The following PDE1C variants were observed in gnomAD, a reference collection of about 807,000 sequenced individuals.
PDE1C encodes the protein dual specificity calcium/calmodulin-dependent 3',5'-cyclic nucleotide phosphodiesterase 1C.
In PDE1C, 62 loss-of-function variants were observed where a neutral mutation model predicts 93.1. The ratio of observed to expected loss-of-function variants is 0.67; its 90% CI spans 0.54 to 0.82. PDE1C has a LOEUF of 0.82. PDE1C is among the 40% of genes least tolerant of loss of function. The pLI is 0.00. For missense variants in PDE1C, 742 were observed against 884.6 expected (o/e 0.84, Z 2.04); for synonymous variants, 325 against 310.1 (o/e 1.05, Z -0.50).
At chr7:32,414,830 T>TAAA (rs11438774) in intron 1 of PDE1C, among the ~76,000 whole-genome samples, 1 of 138,860 alleles carries the variant, frequency 7.2e-6, no homozygotes, top group African/African-American at 2.9e-5. Context: ...ATGCCAATGA[T>TAAA]AAAAAAAAAA....
rs183469320 is a variant in PDE1C at position 32,179,745 on chromosome 7, A to G, written c.137-9789T>C. Reference sequence around the variant, plus strand: ...AAGAGTGGCAGCTTGATAAACTGCTAGTAAAAGGAGCCCAAGGTGATGTGG... The same window carrying G: ...AAGAGTGGCAGCTTGATAAACTGCTGGTAAAAGGAGCCCAAGGTGATGTGG... On this transcript the variant is annotated intron_variant, in intron 2 of 18. Transcript: ENST00000396193. 1.1e-4 allele frequency among the ~76,000 whole-genome samples: 16 copies of G among 152,330 alleles called. No individual in the cohort carries two copies. The East Asian group carries it at 2.9e-3, about 28-fold the overall frequency.
intron 2 of PDE1C, among the ~76,000 whole-genome samples, chr7:31,995,636 T>A (rs1244735253): frequency 3.3e-5 from 5 of 152,172 alleles, no homozygotes; most frequent in Non-Finnish European, 7.3e-5. Flanking sequence ...TTTATTGAAT[T>A]GCTAGTTCCT....
intron 5 of PDE1C, among the ~76,000 whole-genome samples, chr7:31,875,820 T>TATATATATATATATAC (rs1554387782): frequency 2.3e-5 from 2 of 87,198 alleles, no homozygotes; most frequent in African/African-American, 9.4e-5. Context: ...TATATATATA[T>TATATATATATATATAC]ATATATATAT....
At chr7:31,655,666 C>A in the PDE1C span, 2 of 892,530 alleles carry the variant, frequency 2.2e-6, no homozygotes, top group African/African-American at 1.8e-5. Flanking sequence ...GCCACATCCC[C>A]ATCTTGGCTC....
chr7:31,643,908 G>A, the PDE1C span: 21 of 1,613,698 alleles, frequency 1.3e-5, no homozygotes, highest in South Asian at 4.4e-5. Flanking sequence ...AGTTCATGAC[G>A]ACTTTGAAAG....
intron 2 of PDE1C, among the ~76,000 whole-genome samples, chr7:31,927,602 CA>C (rs1355821921): frequency 6.6e-6 from 1 of 152,206 alleles, no homozygotes; most frequent in African/African-American, 2.4e-5. Context: ...GAGGAAGAAG[CA>C]GGCAGCAATC....
At chr7:31,941,575 G>C (rs926811370) in intron 2 of PDE1C, 1 of 153,224 alleles carries the variant, frequency 6.5e-6, no homozygotes, top group African/African-American at 2.4e-5. Flanking sequence ...ATCCAGGAAG[G>C]GGGTACAGAA....
chr7:32,313,231 G>A (rs868481970), intron 1 of PDE1C, among the ~76,000 whole-genome samples: 18 of 152,204 alleles, frequency 1.2e-4, no homozygotes, highest in South Asian at 2.1e-4. Context: ...TTAGAATTGC[G>A]ATCATTAAAA....
At chr7:32,206,184 C>G (rs552801993) in intron 2 of PDE1C, among the ~76,000 whole-genome samples, 1 of 152,160 alleles carries the variant, frequency 6.6e-6, no homozygotes, top group African/African-American at 2.4e-5. Flanking sequence ...CTCCCACTAG[C>G]ATGTAGGAGA....
At chr7:31,814,019 CGTGT>C (rs147151538) in intron 15 of PDE1C, among the ~76,000 whole-genome samples, 4,532 of 149,162 alleles carry the variant, frequency 0.03, 124 homozygotes, top group African/African-American at 0.074. Flanking sequence ...AGTATTCCAT[CGTGT>C]GTGTGTGTGT....
chr7:31,814,067 C>T (rs552525095), intron 15 of PDE1C, among the ~76,000 whole-genome samples: 177 of 147,396 alleles, frequency 1.2e-3, no homozygotes, highest in African/African-American at 4.1e-3. Context: ...CACACGCACG[C>T]GTGCATATAT....
chr7:32,095,414 C>T (rs939710316), intron 3 of PDE1C, among the ~76,000 whole-genome samples: 2 of 152,192 alleles, frequency 1.3e-5, no homozygotes, highest in Non-Finnish European at 2.9e-5. Flanking sequence ...CAGTCCCTTC[C>T]TTCCAGACAA....
chr7:31,777,673 C>T (rs1783106619), intron 16 of PDE1C, among the ~76,000 whole-genome samples: 1 of 152,092 alleles, frequency 6.6e-6, no homozygotes, highest in South Asian at 2.1e-4. Flanking sequence ...CATTGTGTGA[C>T]AAATGCCCTC....
intron 1 of PDE1C, among the ~76,000 whole-genome samples, chr7:32,240,553 CAG>C (rs1200397868): frequency 2.0e-5 from 3 of 152,100 alleles, no homozygotes; most frequent in Non-Finnish European, 2.9e-5. Context: ...GTCTCTGACA[CAG>C]AAACATCTGA....
intron 3 of PDE1C, among the ~76,000 whole-genome samples, chr7:32,163,161 C>A (rs1802025468): frequency 6.6e-6 from 1 of 152,132 alleles, no homozygotes; most frequent in African/African-American, 2.4e-5. Flanking sequence ...AATGGGTGAG[C>A]AACACTCAGT....
At chr7:31,764,181 T>C (rs996357817) in intron 17 of PDE1C, among the ~76,000 whole-genome samples, 2 of 152,132 alleles carry the variant, frequency 1.3e-5, no homozygotes, top group Non-Finnish European at 2.9e-5. Flanking sequence ...GACGGAGTCT[T>C]GATCTGTTGC....
intron 1 of PDE1C, among the ~76,000 whole-genome samples, chr7:32,355,851 G>T (rs980484234): frequency 6.6e-6 from 1 of 152,144 alleles, no homozygotes; most frequent in Admixed American, 6.5e-5. Context: ...TGCAAGTTTT[G>T]ATAAATATAG....
At chr7:31,867,530 T>C (rs919218283) in intron 6 of PDE1C, among the ~76,000 whole-genome samples, 8 of 152,254 alleles carry the variant, frequency 5.3e-5, no homozygotes, top group Middle Eastern at 3.4e-3. Flanking sequence ...CACCTATACA[T>C]GCCACCTGTG....
At chr7:31,657,668 A>G in the PDE1C span, among the ~76,000 whole-genome samples, 1 of 152,016 alleles carries the variant, frequency 6.6e-6, no homozygotes, top group Non-Finnish European at 1.5e-5. Flanking sequence ...AAGTCCCAAG[A>G]TCCTGTATTC....
Sources: gnomAD v4.1 joint callset for allele counts (sites outside exome capture counted in the v4.1 genomes callset) on GRCh38, gnomAD v4.1.1 for gene constraint, MANE v1.5 for transcripts, NCBI Gene and HGNC (gene_info 2026-07-23, HGNC 2026-07-21) for gene names.